The following CNGB1 variants were observed in gnomAD, a reference collection of about 807,000 sequenced individuals.
The protein encoded by CNGB1 is cyclic nucleotide gated channel subunit beta 1, also known as cyclic nucleotide-gated channel beta-1.
A neutral mutation model predicts 151.7 loss-of-function variants in CNGB1; 126 were observed. That is an observed-to-expected ratio of 0.83 (90% CI 0.72 to 0.96). CNGB1 has a LOEUF of 0.96. CNGB1 is among the 40% of genes least tolerant of loss of function. The pLI is 0.00. For missense variants in CNGB1, 1,698 were observed against 1,627.0 expected (o/e 1.04, Z -0.75); for synonymous variants, 623 against 635.1 (o/e 0.98, Z 0.29).
At chr16:57,905,631 G>A (rs1451648755) in intron 25 of CNGB1, among the ~76,000 whole-genome samples, 1 of 152,278 alleles carries the variant, frequency 6.6e-6, no homozygotes, top group African/African-American at 2.4e-5. Flanking sequence ...ATGGTGTCAG[G>A]AGCTAGGGCC....
chr16:57,934,067 C>G (rs1490497236), intron 16 of CNGB1, among the ~76,000 whole-genome samples: 3 of 152,036 alleles, frequency 2.0e-5, no homozygotes, highest in Non-Finnish European at 2.9e-5. Context: ...AAAGCCGGCA[C>G]TCTGTTAAAT....
At chr16:57,948,447 G>T (rs576320184) in intron 14 of CNGB1, among the ~76,000 whole-genome samples, 1 of 151,582 alleles carries the variant, frequency 6.6e-6, no homozygotes, top group East Asian at 1.9e-4. Flanking sequence ...GAGCCACCAC[G>T]CCTGGTCGAC....
chr16:57,952,719 T>C (rs915207112), intron 12 of CNGB1, among the ~76,000 whole-genome samples: 2 of 152,080 alleles, frequency 1.3e-5, no homozygotes, highest in African/African-American at 4.8e-5. Flanking sequence ...CAGGCTGGTC[T>C]CGAACTCCTG....
At chr16:57,954,841 G>A in intron 12 of CNGB1, 2 of 993,712 alleles carry the variant, frequency 2.0e-6, no homozygotes, top group African/African-American at 1.7e-5. Context: ...ACCACACTGG[G>A]GGCTGTGCAC....
At chr16:57,963,185 T>C (rs551218118) in intron 4 of CNGB1, 121 bp from the exon 5 acceptor site, 42 of 840,776 alleles carry the variant, frequency 5.0e-5, no homozygotes, top group Admixed American at 2.1e-4. Flanking sequence ...ATGTGTGTGG[T>C]GTGGTTATTG....
intron 25 of CNGB1, among the ~76,000 whole-genome samples, chr16:57,905,645 G>A (rs150426080): frequency 7.9e-4 from 121 of 152,362 alleles, no homozygotes; most frequent in African/African-American, 2.2e-3. Context: ...TAGGGCCTTC[G>A]GGCGCCGTTT....
chr16:57,964,642 A>G, intron 2 of CNGB1, 98 bp from the exon 3 acceptor site: 1 of 1,173,098 alleles, frequency 8.5e-7, no homozygotes, highest in South Asian at 1.2e-5. Context: ...CTGCCCCACA[A>G]AAGACCTGAA....
At position 57,893,264 on chromosome 16, in the gene CNGB1, T is replaced by C. The variant is rs148527067; in HGVS notation, c.3242+4133A>G. On this transcript the variant is annotated intron_variant, in intron 31 of 32. Transcript: ENST00000251102. ...TGATGGCTACAGAGGAACAATTGCT[T>C]ATTTATCTGAGAGACAGGGTCTTGC... Among the ~76,000 whole-genome samples the C allele has an allele frequency of 6.6e-3, 1,000 of 152,252 alleles. 11 individuals carry two copies. The highest frequency in any genetic ancestry group is 0.023 in the African/African-American group (969 of 41,544).
chr16:57,924,732 CG>C (rs1444339170), intron 17 of CNGB1, among the ~76,000 whole-genome samples: 18 of 152,218 alleles, frequency 1.2e-4, no homozygotes, highest in Non-Finnish European at 2.4e-4. Context: ...GATTAGATCA[CG>C]GGGGCGGAGT....
intron 32 of CNGB1, among the ~76,000 whole-genome samples, chr16:57,885,389 T>C (rs1959887309): frequency 6.6e-6 from 1 of 152,158 alleles, no homozygotes; most frequent in Non-Finnish European, 1.5e-5. Flanking sequence ...CCAAGGCCTC[T>C]CTTGGGACAT....
intron 2 of CNGB1, among the ~76,000 whole-genome samples, chr16:57,964,904 G>A (rs753923442): frequency 6.6e-5 from 10 of 152,130 alleles, no homozygotes; most frequent in Non-Finnish European, 1.3e-4. Context: ...AGGGGAAGAG[G>A]GAGGTGAGAG....
At chr16:57,960,637 G>C in intron 8 of CNGB1, 107 bp from the exon 9 acceptor site, 2 of 1,414,842 alleles carry the variant, frequency 1.4e-6, no homozygotes, top group Middle Eastern at 1.8e-4. Context: ...AGCCGGGGAT[G>C]GGGGTGGGGG....
chr16:57,901,512 G>T lies in CNGB1; in HGVS notation c.2892+16C>A, dbSNP rs748756882. ...GCCTCCCACAGCCCTGAGCGTGAGG[G>T]CACCAAAAGGTGTACCTGAAAGAGT... is the stretch of plus-strand genomic sequence containing the variant. On this transcript the variant is annotated intron_variant, in intron 28 of 32. Coordinates refer to ENST00000251102, the MANE Select transcript of CNGB1 (RefSeq NM_001297.5). 1 of 1,613,618 alleles carries T rather than the reference G, an allele frequency of 6.2e-7. No homozygotes were observed. The highest frequency in any genetic ancestry group is 8.5e-7 in the Non-Finnish European group (1 of 1,179,504).
intron 14 of CNGB1, among the ~76,000 whole-genome samples, chr16:57,945,118 A>G (rs1961773110): frequency 6.6e-6 from 1 of 152,102 alleles, no homozygotes; most frequent in African/African-American, 2.4e-5. Context: ...TGGCCAATCC[A>G]CGGTCATACC....
rs775599315 is a variant in CNGB1 at position 57,950,427 on chromosome 16, C to T, written c.988G>A (p.Val330Ile). The T allele has an allele frequency of 2.5e-6, 4 of 1,614,268 alleles. No individual in the cohort carries two copies. Among genetic ancestry groups the T allele is most frequent in the East Asian group, 2.2e-5 (1 of 44,886 alleles). ...TTGTTCTCTTCTTCATAAGCTGGAA[C>T]CACCTCTGTACCCTGTGGGCTGGTA... is the stretch of plus-strand genomic sequence containing the variant. Reference protein sequence around the residue: ...VSTSPQGTEVVPAYEEENKAV... With the variant: ...VSTSPQGTEVIPAYEEENKAV... Residue 330 changes from valine (V) to isoleucine (I), a missense_variant, in exon 13 of 33, where the codon GTT (valine) becomes ATT (isoleucine). By Grantham distance (29) the Val-to-Ile change is conservative. Transcript: ENST00000251102.
chr16:57,898,062 G>T, intron 29 of CNGB1, 148 bp from the exon 30 acceptor site: 1 of 789,786 alleles, frequency 1.3e-6, no homozygotes, highest in South Asian at 1.4e-5. Context: ...GGTGTCGTGT[G>T]GGGGCAGTCA....
At chr16:57,930,080 G>A (rs575534144) in intron 17 of CNGB1, among the ~76,000 whole-genome samples, 30 of 152,148 alleles carry the variant, frequency 2.0e-4, no homozygotes, top group Non-Finnish European at 3.7e-4. Flanking sequence ...CCCTGTTCTG[G>A]TTGTTTATCC....
At chr16:57,903,175 G>A (rs1205638200) in intron 27 of CNGB1, among the ~76,000 whole-genome samples, 3 of 149,146 alleles carry the variant, frequency 2.0e-5, no homozygotes, top group Non-Finnish European at 4.4e-5. Context: ...GGGACAGAAA[G>A]TCCTTCTTCC....
intron 12 of CNGB1, among the ~76,000 whole-genome samples, chr16:57,952,300 C>T (rs1373286672): frequency 2.0e-5 from 3 of 152,116 alleles, no homozygotes; most frequent in East Asian, 1.9e-4. Flanking sequence ...CCCTGACTCC[C>T]GTTTTCCCAG....
Sources: gnomAD v4.1 joint callset for allele counts (sites outside exome capture counted in the v4.1 genomes callset) on GRCh38, gnomAD v4.1.1 for gene constraint, MANE v1.5 for transcripts, NCBI Gene and HGNC (gene_info 2026-07-23, HGNC 2026-07-21) for gene names.